C10orf67: variants seen among roughly 807,000 people sequenced by gnomAD.
C10orf67 encodes the protein chromosome 10 open reading frame 67.
C10orf67 carries 60 observed loss-of-function variants against 35.6 expected under a neutral mutation model. The ratio of observed to expected loss-of-function variants is 1.68; its 90% CI spans 1.37 to 2.09. The LOEUF (loss-of-function observed/expected upper bound fraction) is 2.09, where lower values mean the gene tolerates loss of function less well. Among genes scored for constraint, C10orf67 ranks in the 30% most tolerant of loss-of-function variants. The pLI is 0.00. For synonymous variants in C10orf67, 167 were observed against 115.8 expected (o/e 1.44, Z -2.84); for missense variants, 474 against 330.2 (o/e 1.44, Z -3.38).
chr10:23,226,981 A>T (rs547164705), intron 13 of C10orf67, among the ~76,000 whole-genome samples: 84 of 152,326 alleles, frequency 5.5e-4, no homozygotes, highest in Non-Finnish European at 9.8e-4. Flanking sequence ...CCAGGACCAG[A>T]CGGATTCACA....
chr10:23,222,615 T>A (rs1841615373), intron 15 of C10orf67, among the ~76,000 whole-genome samples: 1 of 152,132 alleles, frequency 6.6e-6, no homozygotes, highest in Non-Finnish European at 1.5e-5. Flanking sequence ...GCGATACATC[T>A]ACACAGCAAA....
intron 15 of C10orf67, among the ~76,000 whole-genome samples, chr10:23,219,168 T>G (rs1336409409): frequency 6.6e-6 from 1 of 152,202 alleles, no homozygotes. Context: ...TAAAAACCTT[T>G]TCAGATCACC....
rs1846078954 is a variant in C10orf67 at position 23,344,743 on chromosome 10, T to A, written c.32A>T (p.Tyr11Phe). MALVRDRRAH[Y>F]VMSIVIRWVH... ...CCATCTAATAACTATGCTCATGACA[T>A]AATGAGCCCTGCGATCCCGGACCAA... Residue 11 changes from tyrosine (Y) to phenylalanine (F), a missense_variant, in exon 1 of 16, where the codon TAT becomes TTT. Coordinates refer to ENST00000636213, the MANE Select transcript of C10orf67 (RefSeq NM_001371909.1). 1.3e-6 allele frequency: 2 copies of A among 1,570,512 alleles called. No individual in the cohort carries two copies. Among genetic ancestry groups the A allele is most frequent in the East Asian group, 4.7e-5 (2 of 42,328 alleles).
At chr10:23,205,004 T>C (rs1841121057) in intron 15 of C10orf67, among the ~76,000 whole-genome samples, 1 of 152,124 alleles carries the variant, frequency 6.6e-6, no homozygotes, top group Admixed American at 6.5e-5. Context: ...GGTGTCAATG[T>C]GGACACTTAT....
At chr10:23,290,311 C>T (rs1843682775) in intron 6 of C10orf67, among the ~76,000 whole-genome samples, 2 of 152,154 alleles carry the variant, frequency 1.3e-5, no homozygotes, top group Admixed American at 1.3e-4. Flanking sequence ...ACTAAAAAGC[C>T]TTGCTATGCC....
intron 4 of C10orf67, among the ~76,000 whole-genome samples, chr10:23,308,387 C>G (rs11013376): frequency 0.076 from 11,526 of 152,242 alleles, 990 homozygotes; most frequent in African/African-American, 0.21. Context: ...CCCATCTCCT[C>G]CTACGGGCTA....
chr10:23,273,033 C>T (rs1403435470), intron 8 of C10orf67, among the ~76,000 whole-genome samples: 2 of 152,130 alleles, frequency 1.3e-5, no homozygotes, highest in African/African-American at 2.4e-5. Context: ...GTATCTTGAT[C>T]TTTGCAACCT....
chr10:23,289,814 GAC>G, intron 7 of C10orf67, 84 bp downstream of exon 7: 1 of 670,070 alleles, frequency 1.5e-6, no homozygotes, highest in Non-Finnish European at 2.7e-6. Flanking sequence ...TATGTCATAA[GAC>G]ACTCTGGACA....
intron 2 of C10orf67, among the ~76,000 whole-genome samples, chr10:23,329,010 A>AAAAG (rs1390733209): frequency 1.1e-4 from 16 of 147,996 alleles, no homozygotes; most frequent in South Asian, 2.1e-4. Flanking sequence ...AAAAAAAAAA[A>AAAAG]AAAGAAAGAA....
At chr10:23,305,963 A>AAG (rs1554813949) in intron 4 of C10orf67, among the ~76,000 whole-genome samples, 2 of 142,620 alleles carry the variant, frequency 1.4e-5, no homozygotes, top group South Asian at 4.5e-4. Context: ...AACGTTACAT[A>AAG]CGCGCACACA....
intron 13 of C10orf67, among the ~76,000 whole-genome samples, chr10:23,239,251 A>C (rs1472913809): frequency 6.6e-6 from 1 of 152,210 alleles, no homozygotes; most frequent in Non-Finnish European, 1.5e-5. Flanking sequence ...AAATAGGCTA[A>C]ATAATAGCAT....
intron 7 of C10orf67, among the ~76,000 whole-genome samples, chr10:23,289,367 T>C (rs1190283636): frequency 6.6e-6 from 1 of 152,128 alleles, no homozygotes; most frequent in Non-Finnish European, 1.5e-5. Context: ...TCTCACTATG[T>C]TTTCCAGTCT....
At chr10:23,239,445 C>T (rs1316431368) in intron 13 of C10orf67, among the ~76,000 whole-genome samples, 2 of 152,148 alleles carry the variant, frequency 1.3e-5, no homozygotes, top group African/African-American at 4.8e-5. Context: ...CAGATATGCT[C>T]CAGGCAGAAT....
At chr10:23,245,372 C>G (rs904948055) in intron 12 of C10orf67, among the ~76,000 whole-genome samples, 1 of 152,122 alleles carries the variant, frequency 6.6e-6, no homozygotes, top group Non-Finnish European at 1.5e-5. Flanking sequence ...AGGATTATTT[C>G]AAACTATAAA....
intron 7 of C10orf67, among the ~76,000 whole-genome samples, chr10:23,283,763 T>G (rs4378291): frequency 1.3e-5 from 2 of 151,808 alleles, no homozygotes; most frequent in African/African-American, 2.4e-5. Flanking sequence ...CTCGGGGCCA[T>G]TGCAGTATCC....
In C10orf67 at chr10:23,300,746, A is replaced by T. The variant is rs545079128; in HGVS notation, c.702+2558T>A. Among the ~76,000 whole-genome samples the T allele has an allele frequency of 2.0e-5, 3 of 152,116 alleles. No individual in the cohort carries two copies. The East Asian group carries it at 5.8e-4, about 29-fold the overall frequency. On this transcript the variant is annotated intron_variant, in intron 5 of 15. Coordinates refer to ENST00000636213, the MANE Select transcript of C10orf67 (RefSeq NM_001371909.1). ...AAGTTAGCAAATGTCTGCAGCACCA[A>T]TCTCCATGTTCTGATTCTGTGTCCC...
chr10:23,344,467 C>G, intron 1 of C10orf67, 102 bp downstream of exon 1: 1 of 1,121,494 alleles, frequency 8.9e-7, no homozygotes. Context: ...GCTGCGATAC[C>G]CCAGAGGAAA....
intron 1 of C10orf67, among the ~76,000 whole-genome samples, chr10:23,341,640 C>T (rs1845888175): frequency 6.6e-6 from 1 of 152,210 alleles, no homozygotes; most frequent in African/African-American, 2.4e-5. Flanking sequence ...AAGTCCCTCG[C>T]CACAGGCACC....
intron 13 of C10orf67, among the ~76,000 whole-genome samples, chr10:23,238,353 T>G (rs566997963): frequency 6.6e-6 from 1 of 152,242 alleles, no homozygotes; most frequent in Non-Finnish European, 1.5e-5. Context: ...CTGATGAGTA[T>G]CTCATGTGTC....
Sources: gnomAD v4.1 joint callset for allele counts (sites outside exome capture counted in the v4.1 genomes callset) on GRCh38, gnomAD v4.1.1 for gene constraint, MANE v1.5 for transcripts, NCBI Gene and HGNC (gene_info 2026-07-23, HGNC 2026-07-21) for gene names.